The following SLC16A12 variants were observed in gnomAD, a reference collection of about 807,000 sequenced individuals.
SLC16A12 encodes the protein solute carrier family 16 member 12.
SLC16A12 carries 17 observed loss-of-function variants against 42.4 expected under a neutral mutation model. That is an observed-to-expected ratio of 0.40 (90% CI 0.27 to 0.60). The LOEUF (loss-of-function observed/expected upper bound fraction) is 0.60, where lower values mean the gene tolerates loss of function less well. Among genes scored for constraint, SLC16A12 ranks in the 20% least tolerant of loss-of-function variants. The probability of loss-of-function intolerance (pLI) is 0.42; values close to 1 mark genes in which losing one functional copy is unlikely to be tolerated. For synonymous variants in SLC16A12, 224 were observed against 229.4 expected, an observed-to-expected ratio of 0.98 and a Z score of 0.21; for missense variants, 544 against 623.0, an observed-to-expected ratio of 0.87 and a Z score of 1.35.
intron 2 of SLC16A12, among the ~76,000 whole-genome samples, chr10:89,517,266 A>G (rs888471211): frequency 1.3e-5 from 2 of 152,072 alleles, no homozygotes; most frequent in Non-Finnish European, 2.9e-5. Flanking sequence ...ATTGAGTTCC[A>G]TGGGGGGCAG....
chr10:89,540,057 T>C (rs1273556210), upstream of SLC16A12, among the ~76,000 whole-genome samples: 1 of 151,146 alleles, frequency 6.6e-6, no homozygotes, highest in Non-Finnish European at 1.5e-5. Flanking sequence ...CTCTCTTTTT[T>C]CTTCCTTTCC....
chr10:89,537,324 TG>T (rs1843683776), upstream of SLC16A12, among the ~76,000 whole-genome samples: 1 of 152,080 alleles, frequency 6.6e-6, no homozygotes, highest in Admixed American at 6.5e-5. Context: ...ATTACAGGCT[TG>T]AGCCACTGTG....
At chr10:89,521,765 T>C (rs1470753469) in intron 2 of SLC16A12, among the ~76,000 whole-genome samples, 1 of 152,258 alleles carries the variant, frequency 6.6e-6, no homozygotes, top group Non-Finnish European at 1.5e-5. Context: ...AATTGTAATC[T>C]GGCTGAAGCA....
intron 2 of SLC16A12, among the ~76,000 whole-genome samples, chr10:89,521,469 A>C (rs1185814463): frequency 6.6e-6 from 1 of 152,242 alleles, no homozygotes; most frequent in Admixed American, 6.5e-5. Context: ...AGAAACAATG[A>C]TATGTACAGC....
At chr10:89,458,998 G>A (rs1409390507) in intron 3 of SLC16A12, among the ~76,000 whole-genome samples, 1 of 152,182 alleles carries the variant, frequency 6.6e-6, no homozygotes, top group Non-Finnish European at 1.5e-5. Context: ...AGCCTAAGAA[G>A]TTTACAGTAA....
Position 89,441,261 on chromosome 10 carries a change from C to T in SLC16A12, c.305-10G>A, listed in dbSNP as rs1296024770. On this transcript the variant is annotated splice_polypyrimidine_tract_variant and intron_variant, in intron 4 of 7. Coordinates refer to ENST00000371790, the MANE Select transcript of SLC16A12 (RefSeq NM_213606.4). The stretch of plus-strand genomic sequence containing the variant: ...ACACTCCCAAGTGGAGCTTCAAAAA[C>T]AATAAGAAATAGGTTCAACAGAAAG... 2.5e-6 allele frequency: 4 copies of T among 1,613,954 alleles called. No individual in the cohort carries two copies. Among genetic ancestry groups the T allele is most frequent in the Middle Eastern group, 1.6e-4 (1 of 6,062 alleles).
intron 2 of SLC16A12, among the ~76,000 whole-genome samples, chr10:89,470,622 T>C (rs1842476914): frequency 6.6e-6 from 1 of 152,216 alleles, no homozygotes; most frequent in South Asian, 2.1e-4. Context: ...GCAAAAGTGC[T>C]AAGCCAGATG....
At chr10:89,489,642 TTAAAG>T (rs777310496) in intron 2 of SLC16A12, among the ~76,000 whole-genome samples, 93 of 152,312 alleles carry the variant, frequency 6.1e-4, no homozygotes, top group Admixed American at 2.9e-3. Context: ...GTGCCAGTCC[TTAAAG>T]TAATTTTTTA....
intron 2 of SLC16A12, among the ~76,000 whole-genome samples, chr10:89,504,707 A>T (rs983357809): frequency 6.6e-6 from 1 of 152,246 alleles, no homozygotes; most frequent in African/African-American, 2.4e-5. Context: ...TGGTGAGTGA[A>T]CAAACCCAAA....
chr10:89,537,677 C>T (rs1843688891), upstream of SLC16A12, among the ~76,000 whole-genome samples: 1 of 152,154 alleles, frequency 6.6e-6, no homozygotes, highest in South Asian at 2.1e-4. Context: ...CAGAAAAATG[C>T]TTCTTTCAGT....
chr10:89,448,475 C>T (rs1224057505), intron 3 of SLC16A12, among the ~76,000 whole-genome samples: 1 of 152,014 alleles, frequency 6.6e-6, no homozygotes, highest in Non-Finnish European at 1.5e-5. Context: ...TAAATATAAT[C>T]CACCATATAA....
At chr10:89,481,106 T>C (rs1346349641) in intron 2 of SLC16A12, among the ~76,000 whole-genome samples, 4 of 152,172 alleles carry the variant, frequency 2.6e-5, no homozygotes, top group African/African-American at 9.6e-5. Context: ...CCATCTATGT[T>C]GGGATATTAA....
chr10:89,447,346 C>T (rs1383526059), intron 3 of SLC16A12, among the ~76,000 whole-genome samples: 1 of 152,208 alleles, frequency 6.6e-6, no homozygotes, highest in Non-Finnish European at 1.5e-5. Flanking sequence ...AAATTCACCA[C>T]ATAGTTGGAA....
chr10:89,553,460 T>C (rs1402981940), intron 2 of SLC16A12, among the ~76,000 whole-genome samples: 3 of 152,248 alleles, frequency 2.0e-5, no homozygotes, highest in African/African-American at 7.2e-5. Flanking sequence ...CTCATTTCAA[T>C]ACTAAATTGT....
intron 2 of SLC16A12, among the ~76,000 whole-genome samples, chr10:89,529,062 T>C (rs185847881): frequency 6.6e-5 from 10 of 152,358 alleles, no homozygotes; most frequent in Non-Finnish European, 1.3e-4. Flanking sequence ...CTGGTTGAAC[T>C]ATCACTGCCT....
chr10:89,479,952 C>T (rs1471828022), intron 2 of SLC16A12, among the ~76,000 whole-genome samples: 2 of 152,152 alleles, frequency 1.3e-5, no homozygotes, highest in Non-Finnish European at 2.9e-5. Context: ...TTACATGTCT[C>T]CTGAGGCTGG....
intron 3 of SLC16A12, among the ~76,000 whole-genome samples, chr10:89,458,030 G>A (rs1842225960): frequency 3.3e-5 from 5 of 152,032 alleles, no homozygotes; most frequent in South Asian, 4.1e-4. Context: ...CTGCCTGGGC[G>A]GTTTGTTTAT....
intron 2 of SLC16A12, among the ~76,000 whole-genome samples, chr10:89,486,623 G>GA (rs1842751150): frequency 2.7e-5 from 1 of 37,200 alleles, no homozygotes; most frequent in African/African-American, 1.3e-4. Context: ...AAGAAAGAAA[G>GA]AAAGAAAGAA....
rs1841903083 is a variant in SLC16A12 at position 89,441,160 on chromosome 10, G to A, written c.396C>T (p.Ser132=). Residue 132 remains serine, a synonymous_variant, in exon 5 of 8, where the codon AGC becomes AGT. Transcript: ENST00000371790. Reference sequence around the variant, plus strand: ...GATGCTTCAGACTCGTGGCAAATGAGCTCAGGATGAGTCCAGTAGATGCAA... The same window carrying A: ...GATGCTTCAGACTCGTGGCAAATGAACTCAGGATGAGTCCAGTAGATGCAA... ...GLLASTGLIL[S]SFATSLKHLY... is the part of the protein sequence containing the mutation. 6.2e-7 allele frequency: 1 copy of A among 1,613,940 alleles called. No individual in the cohort carries two copies. Among genetic ancestry groups the A allele is most frequent in the African/African-American group, 1.3e-5 (1 of 75,020 alleles).
Sources: gnomAD v4.1 joint callset for allele counts (sites outside exome capture counted in the v4.1 genomes callset) on GRCh38, gnomAD v4.1.1 for gene constraint, MANE v1.5 for transcripts, NCBI Gene and HGNC (gene_info 2026-07-23, HGNC 2026-07-21) for gene names.